The following SLIT3 variants were observed in gnomAD, a reference collection of about 807,000 sequenced individuals.
The protein encoded by SLIT3 is slit guidance ligand 3.
Under a neutral mutation model 184.0 loss-of-function variants are expected in SLIT3, and 68 were observed. The observed-to-expected ratio is 0.37, with a 90% CI of 0.30 to 0.45. The LOEUF is 0.45. Ranked by LOEUF, SLIT3 falls within the 20% of genes least tolerant of loss-of-function variation. SLIT3 has a pLI of 1.00. For synonymous variants in SLIT3, 831 were observed against 828.6 expected, an observed-to-expected ratio of 1.00 and a Z score of -0.05; for missense variants, 1,707 against 2,026.0, an observed-to-expected ratio of 0.84 and a Z score of 3.02.
At chr5:168,721,396 T>C (rs2113366310) in intron 23 of SLIT3, among the ~76,000 whole-genome samples, 1 of 152,340 alleles carries the variant, frequency 6.6e-6, no homozygotes, top group Middle Eastern at 3.4e-3. Flanking sequence ...GTGCCAGAGC[T>C]GCACTAAGTA....
chr5:169,245,216 G>A (rs1005933306), intron 2 of SLIT3, among the ~76,000 whole-genome samples: 1 of 152,016 alleles, frequency 6.6e-6, no homozygotes, highest in African/African-American at 2.4e-5. Flanking sequence ...ATTGTGAAAC[G>A]ACTGGCTGTC....
In SLIT3 at chr5:168,699,881, G is replaced by A. The variant is rs193146799; in HGVS notation, c.2942+701C>T. Among the ~76,000 whole-genome samples, 4 of 152,334 alleles carry A rather than the reference G, an allele frequency of 2.6e-5. No individual in the cohort carries two copies. The East Asian group carries it at 5.8e-4, about 22-fold the overall frequency. On this transcript the variant is annotated intron_variant, in intron 27 of 35. Transcript: ENST00000519560. ...TCAGAAAAGCATGGTGGAAGTGCCA[G>A]ACGGGCAGTCTTTAAGCCTTCACCC... is the stretch of plus-strand genomic sequence containing the variant.
chr5:169,240,579 C>CTTTTT (rs67955225), intron 3 of SLIT3, among the ~76,000 whole-genome samples: 70 of 114,264 alleles, frequency 6.1e-4, no homozygotes, highest in East Asian at 1.9e-3. Context: ...CTATCATTTT[C>CTTTTT]TTTTTTTTTT....
chr5:168,880,350 G>T lies in SLIT3; in HGVS notation c.485+2915C>A, dbSNP rs540741005. 8.9e-4 allele frequency among the ~76,000 whole-genome samples: 136 copies of T among 152,276 alleles called. 2 individuals carry two copies. The highest frequency in any genetic ancestry group is 6.8e-3 in the Middle Eastern group (2 of 294). ...CGCAGTCAAGGCTCTCCAGCAACCG[G>T]CTTCCACCTCTCTTTCTAACCCAAT... On this transcript the variant is annotated intron_variant, in intron 5 of 35. Coordinates refer to ENST00000519560, the MANE Select transcript of SLIT3 (RefSeq NM_003062.4).
intron 4 of SLIT3, among the ~76,000 whole-genome samples, chr5:168,907,682 G>A (rs1025801604): frequency 1.3e-5 from 2 of 151,988 alleles, no homozygotes; most frequent in African/African-American, 4.8e-5. Context: ...GGAAAACACA[G>A]GAAGCGTAGA....
chr5:168,760,170 G>A (rs1755095388), intron 16 of SLIT3, among the ~76,000 whole-genome samples: 1 of 152,228 alleles, frequency 6.6e-6, no homozygotes, highest in South Asian at 2.1e-4. Context: ...AAGACTCAGT[G>A]AGACAATGGG....
chr5:169,122,156 G>A (rs1479746305), intron 4 of SLIT3, among the ~76,000 whole-genome samples: 4 of 152,186 alleles, frequency 2.6e-5, no homozygotes, highest in African/African-American at 7.2e-5. Context: ...GGTGTCTCCA[G>A]AAAGAGGATG....
intron 4 of SLIT3, among the ~76,000 whole-genome samples, chr5:168,986,591 C>G (rs1297725358): frequency 6.6e-6 from 1 of 152,192 alleles, no homozygotes; most frequent in African/African-American, 2.4e-5. Flanking sequence ...CTTGCATGAC[C>G]TGGACCATCC....
intron 4 of SLIT3, among the ~76,000 whole-genome samples, chr5:169,184,128 T>A (rs1372416661): frequency 6.6e-6 from 1 of 152,190 alleles, no homozygotes; most frequent in Non-Finnish European, 1.5e-5. Context: ...AATCTTTTTC[T>A]TTCAATGTTT....
At chr5:168,902,804 C>T (rs1288105722) in intron 4 of SLIT3, among the ~76,000 whole-genome samples, 3 of 152,174 alleles carry the variant, frequency 2.0e-5, no homozygotes, top group Non-Finnish European at 4.4e-5. Flanking sequence ...GGTGGCTGAG[C>T]ACATGACATA....
intron 4 of SLIT3, among the ~76,000 whole-genome samples, chr5:168,915,170 TG>T (rs1761393890): frequency 6.6e-6 from 1 of 152,192 alleles, no homozygotes; most frequent in Non-Finnish European, 1.5e-5. Context: ...CCACATAGTC[TG>T]GGTTTCTGAA....
At chr5:169,158,814 A>G (rs1357714909) in intron 4 of SLIT3, among the ~76,000 whole-genome samples, 2 of 152,232 alleles carry the variant, frequency 1.3e-5, no homozygotes, top group Non-Finnish European at 2.9e-5. Context: ...GCTATACAGA[A>G]AAAGAATCAA....
Position 169,193,527 on chromosome 5 carries a change from T to C in SLIT3, c.365A>G (p.Gln122Arg), listed in dbSNP as rs763523631. The C allele has an allele frequency of 2.4e-5, 39 of 1,613,980 alleles. No homozygotes were observed. The highest frequency in any genetic ancestry group is 3.3e-5 in the Non-Finnish European group (39 of 1,179,986). ...ERLRLNKNKL[Q>R]VLPELLFQST... Reference sequence around the variant, plus strand: ...CTGGAAAAGCAATTCTGGAAGGACTTGCAGCTTATTCTTGTTCAGGCGCCT... The same window carrying C: ...CTGGAAAAGCAATTCTGGAAGGACTCGCAGCTTATTCTTGTTCAGGCGCCT... The change falls in exon 4 of 36, where the codon CAA becomes CGA. Residue 122 changes from glutamine to arginine, a missense_variant. Coordinates refer to ENST00000519560, the MANE Select transcript of SLIT3 (RefSeq NM_003062.4).
At chr5:168,689,810 G>T (rs1287083490) in intron 29 of SLIT3, among the ~76,000 whole-genome samples, 1 of 152,212 alleles carries the variant, frequency 6.6e-6, no homozygotes, top group African/African-American at 2.4e-5. Context: ...GAGCTGTTTG[G>T]TGATGGGAGA....
chr5:169,138,187 GGCT>G (rs1761592030), intron 4 of SLIT3, among the ~76,000 whole-genome samples: 1 of 152,264 alleles, frequency 6.6e-6, no homozygotes, highest in Admixed American at 6.5e-5. Flanking sequence ...TGTGAAGTTT[GGCT>G]GCTAACAGCT....
At chr5:168,766,748 G>A (rs1755359489) in intron 14 of SLIT3, among the ~76,000 whole-genome samples, 1 of 152,200 alleles carries the variant, frequency 6.6e-6, no homozygotes, top group Admixed American at 6.5e-5. Flanking sequence ...TCTGTAAGGT[G>A]GGAAAGGGAA....
rs760958933 is a variant in SLIT3, at chr5:168,708,105, G to A, written c.2720-5C>T. On this transcript the variant is annotated splice_polypyrimidine_tract_variant and splice_region_variant and intron_variant, in intron 25 of 35. Transcript: ENST00000519560. ...CAATGTTGATGTCCACTGGCCCTGG[G>A]CAGCAAAACCAGAGTACTGATGGCA... is the stretch of plus-strand genomic sequence containing the variant. The A allele has an allele frequency of 6.2e-7, 1 of 1,614,168 alleles. No individual in the cohort carries two copies. The highest frequency in any genetic ancestry group is 8.5e-7 in the Non-Finnish European group (1 of 1,180,036).
At chr5:168,686,640 C>T (rs1329406448) in intron 30 of SLIT3, among the ~76,000 whole-genome samples, 1 of 152,232 alleles carries the variant, frequency 6.6e-6, no homozygotes, top group Non-Finnish European at 1.5e-5. Flanking sequence ...TGGCTACCTC[C>T]ACCTTGCAAG....
intron 3 of SLIT3, among the ~76,000 whole-genome samples, chr5:169,210,682 G>A (rs930985884): frequency 2.0e-5 from 3 of 152,164 alleles, no homozygotes; most frequent in African/African-American, 4.8e-5. Context: ...AGTCAAAGGG[G>A]ACCAGAGGTA....
Sources: allele counts gnomAD v4.1 joint callset (sites outside exome capture counted in the v4.1 genomes callset), GRCh38; gene constraint gnomAD v4.1.1; transcripts MANE v1.5; gene names NCBI Gene and HGNC (gene_info 2026-07-23, HGNC 2026-07-21).